Variants in FSTL5 observed in about 807,000 individuals in gnomAD.
FSTL5 encodes the protein follistatin-related protein 5.
In FSTL5, 62 loss-of-function variants were observed where a neutral mutation model predicts 89.1. The ratio of observed to expected loss-of-function variants is 0.70; its 90% CI spans 0.57 to 0.86. FSTL5 has a LOEUF of 0.86. FSTL5 is among the 40% of genes least tolerant of loss of function. FSTL5 has a pLI of 0.00. For synonymous variants in FSTL5, 383 were observed against 346.2 expected (o/e 1.11, Z -1.18); for missense variants, 1,057 against 1,001.6 (o/e 1.06, Z -0.75).
At chr4:161,704,200 A>T (rs1426924632) in intron 6 of FSTL5, among the ~76,000 whole-genome samples, 6 of 152,196 alleles carry the variant, frequency 3.9e-5, no homozygotes, top group Admixed American at 6.6e-5. Context: ...TTTGTCTCTT[A>T]TCTTCCTATG....
chr4:161,663,916 G>T (rs995617006), intron 6 of FSTL5, among the ~76,000 whole-genome samples: 7 of 152,154 alleles, frequency 4.6e-5, no homozygotes, highest in African/African-American at 1.4e-4. Context: ...GTGCACCCAC[G>T]GGCTCAACAC....
chr4:161,920,440 T>C lies in FSTL5; in HGVS notation c.373A>G (p.Ile125Val). The change falls in exon 4 of 16, where the codon ATT becomes GTT. Residue 125 changes from isoleucine to valine, a missense_variant. Physicochemically the swap from Ile to Val is conservative, Grantham distance 29 (BLOSUM62 3). Coordinates refer to ENST00000306100, the MANE Select transcript of FSTL5 (RefSeq NM_020116.5). ...CAGTCTTCATTGTGAACAATGGTAATCTTTTGTTTTTTCAGGCAAGCAGCT... is the reference window on the plus strand; with the variant it reads ...CAGTCTTCATTGTGAACAATGGTAACCTTTTGTTTTTTCAGGCAAGCAGCT... ...HRAACLKKQKITIVHNEDCFF... is the reference protein window; with the variant it reads ...HRAACLKKQKVTIVHNEDCFF... The C allele has an allele frequency of 6.2e-7, 1 of 1,614,002 alleles. No individual in the cohort carries two copies. The highest frequency in any genetic ancestry group is 1.1e-5 in the South Asian group (1 of 91,070).
intron 3 of FSTL5, among the ~76,000 whole-genome samples, chr4:162,024,619 T>G (rs1259363054): frequency 1.3e-5 from 2 of 152,094 alleles, no homozygotes; most frequent in African/African-American, 2.4e-5. Context: ...GTTTGTTTCT[T>G]GTGTTTTTTT....
At chr4:161,832,257 A>G (rs1018902050) in intron 4 of FSTL5, among the ~76,000 whole-genome samples, 1 of 152,094 alleles carries the variant, frequency 6.6e-6, no homozygotes, top group African/African-American at 2.4e-5. Context: ...GAGCTGTACA[A>G]TAGGACAGTG....
At chr4:161,959,236 C>T (rs1735106368) in intron 3 of FSTL5, among the ~76,000 whole-genome samples, 1 of 152,032 alleles carries the variant, frequency 6.6e-6, no homozygotes, top group Admixed American at 6.6e-5. Flanking sequence ...GTGACAAGAA[C>T]ATTTATTGTG....
intron 7 of FSTL5, among the ~76,000 whole-genome samples, chr4:161,641,726 G>A (rs372267054): frequency 2.0e-5 from 3 of 151,894 alleles, no homozygotes; most frequent in Non-Finnish European, 2.9e-5. Flanking sequence ...TCCTGACCTC[G>A]TTATCTGCCC....
At chr4:161,407,563 G>A (rs1287917802) in intron 15 of FSTL5, among the ~76,000 whole-genome samples, 1 of 152,142 alleles carries the variant, frequency 6.6e-6, no homozygotes, top group East Asian at 1.9e-4. Context: ...CTAGCTGCAG[G>A]GACCCCATAC....
chr4:161,621,463 AACTT>A (rs1187224649), intron 7 of FSTL5, among the ~76,000 whole-genome samples: 3 of 152,202 alleles, frequency 2.0e-5, no homozygotes, highest in Non-Finnish European at 2.9e-5. Context: ...AGAGAAATTT[AACTT>A]AAACTAGCTA....
At chr4:161,500,884 A>G (rs17399121) in intron 11 of FSTL5, among the ~76,000 whole-genome samples, 5,872 of 152,156 alleles carry the variant, frequency 0.039, 146 homozygotes, top group Non-Finnish European at 0.045. Flanking sequence ...GTGTAGGTTA[A>G]TCAAAGCCTG....
intron 3 of FSTL5, among the ~76,000 whole-genome samples, chr4:162,021,492 T>C (rs1253625636): frequency 6.6e-6 from 1 of 152,136 alleles, no homozygotes; most frequent in East Asian, 1.9e-4. Flanking sequence ...TTATGAAACA[T>C]GGTAAGAGAT....
At chr4:161,402,258 A>T (rs542396424) in intron 15 of FSTL5, among the ~76,000 whole-genome samples, 2 of 152,174 alleles carry the variant, frequency 1.3e-5, no homozygotes, top group Non-Finnish European at 2.9e-5. Flanking sequence ...TATGTGTAAA[A>T]CTTATTTTTA....
In FSTL5 at chr4:162,128,287, A is replaced by AAGTTTTGCTGTGG. The variant is rs1459446595; in HGVS notation, c.-16-16888_-16-16876dup. ...CAGAGTCTTTTCAAGTTTTCATCAG[A>AAGTTTTGCTGTGG]AGTTTTGCTGTGGTCTGAATGTTTC... On this transcript the variant is annotated intron_variant, in intron 1 of 15. Transcript: ENST00000306100. Among the ~76,000 whole-genome samples the AAGTTTTGCTGTGG allele has an allele frequency of 2.6e-5, 4 of 152,312 alleles. No homozygotes were observed. In the East Asian group the frequency reaches 7.7e-4, roughly 29 times the overall value.
At chr4:161,663,705 T>C (rs1420367059) in intron 6 of FSTL5, among the ~76,000 whole-genome samples, 1 of 152,162 alleles carries the variant, frequency 6.6e-6, no homozygotes, top group Non-Finnish European at 1.5e-5. Flanking sequence ...AGTGACCCTC[T>C]TCCTACAGCT....
At chr4:162,053,684 T>C (rs890776378) in intron 2 of FSTL5, among the ~76,000 whole-genome samples, 1 of 151,778 alleles carries the variant, frequency 6.6e-6, no homozygotes, top group African/African-American at 2.4e-5. Flanking sequence ...ATGATTAGGA[T>C]AGTTTGAAAA....
chr4:161,987,487 C>T (rs28723043), intron 3 of FSTL5, among the ~76,000 whole-genome samples: 8 of 133,708 alleles, frequency 6.0e-5, no homozygotes, highest in South Asian at 2.2e-4. Context: ...TATATATATA[C>T]ATACATATAT....
intron 4 of FSTL5, among the ~76,000 whole-genome samples, chr4:161,795,830 T>C (rs1459058076): frequency 3.3e-5 from 5 of 152,172 alleles, no homozygotes; most frequent in Admixed American, 6.5e-5. Flanking sequence ...TACCATATTG[T>C]TTTGATTACT....
chr4:162,138,470 AG>A (rs1732600839), intron 1 of FSTL5, among the ~76,000 whole-genome samples: 1 of 152,144 alleles, frequency 6.6e-6, no homozygotes, highest in Admixed American at 6.5e-5. Flanking sequence ...TAAGAATAGA[AG>A]GAAAATCCTT....
At chr4:161,488,525 A>C (rs1394644994) in intron 12 of FSTL5, among the ~76,000 whole-genome samples, 1 of 152,112 alleles carries the variant, frequency 6.6e-6, no homozygotes, top group Non-Finnish European at 1.5e-5. Context: ...TAAAAAAAAC[A>C]GGCTTTGAGG....
At chr4:161,553,708 A>G (rs2126560864) in intron 8 of FSTL5, among the ~76,000 whole-genome samples, 1 of 151,680 alleles carries the variant, frequency 6.6e-6, no homozygotes, top group South Asian at 2.1e-4. Context: ...ATCCACATTC[A>G]TTAAATTATG....
Sources: gnomAD v4.1 joint callset for allele counts (sites outside exome capture counted in the v4.1 genomes callset) on GRCh38, gnomAD v4.1.1 for gene constraint, MANE v1.5 for transcripts, NCBI Gene and HGNC (gene_info 2026-07-23, HGNC 2026-07-21) for gene names.